The following CATSPERE variants were observed in gnomAD, a reference collection of about 807,000 sequenced individuals.
CATSPERE encodes the protein cation channel sperm-associated auxiliary subunit epsilon.
Under a neutral mutation model 114.1 loss-of-function variants are expected in CATSPERE, and 93 were observed. The observed-to-expected ratio is 0.81, with a 90% confidence interval of 0.69 to 0.97. The LOEUF (loss-of-function observed/expected upper bound fraction) is 0.97. Ranked by LOEUF, CATSPERE falls within the 50% of genes least tolerant of loss-of-function variation. CATSPERE has a pLI of 0.00. For synonymous variants in CATSPERE, 341 were observed against 384.1 expected (o/e 0.89, Z 1.31); for missense variants, 1,058 against 1,131.6 (o/e 0.93, Z 0.93).
chr1:244,581,297 A>G (rs2148610656), intron 11 of CATSPERE, among the ~76,000 whole-genome samples: 1 of 152,312 alleles, frequency 6.6e-6, no homozygotes, highest in African/African-American at 2.4e-5. Flanking sequence ...ATGTACTACA[A>G]GATATCCTTA....
intron 20 of CATSPERE, among the ~76,000 whole-genome samples, chr1:244,630,127 C>T (rs762441938): frequency 2.0e-5 from 3 of 152,132 alleles, no homozygotes; most frequent in Non-Finnish European, 4.4e-5. Context: ...CGGTATTCCC[C>T]AGGTGAAAGC....
intron 8 of CATSPERE, among the ~76,000 whole-genome samples, chr1:244,541,653 C>G (rs1246097634): frequency 7.0e-6 from 1 of 143,456 alleles, no homozygotes; most frequent in Admixed American, 7.0e-5. Flanking sequence ...CATCCCATTA[C>G]TGGGTATATA....
At chr1:244,488,358 A>C (rs539630734) in intron 5 of CATSPERE, among the ~76,000 whole-genome samples, 2 of 152,128 alleles carry the variant, frequency 1.3e-5, no homozygotes, top group African/African-American at 2.4e-5. Flanking sequence ...TTCTATTTCC[A>C]TAATGGTTTT....
chr1:244,455,489 A>G (rs1322130678), intron 1 of CATSPERE, among the ~76,000 whole-genome samples: 1 of 151,888 alleles, frequency 6.6e-6, no homozygotes, highest in East Asian at 1.9e-4. Context: ...AAAGTTGGGT[A>G]TAAAATTTTT....
rs1215151899 is a variant in CATSPERE, at chr1:244,568,656, C to T, written c.1508-3674C>T. On this transcript the variant is annotated intron_variant, in intron 10 of 21. Transcript: ENST00000366534. This position sits in a 1 kb window ranked among gnomAD's most constrained non-coding sequence, Gnocchi z 4.4. ...TATTTCCACTGTGAGGGGAAAACCG[C>T]CTACTCAAGCCTCAGTAATGGCAGA... is the stretch of plus-strand genomic sequence containing the variant. 1.3e-5 allele frequency among the ~76,000 whole-genome samples: 2 copies of T among 152,198 alleles called. No homozygotes were observed. The highest frequency in any genetic ancestry group is 2.9e-5 in the Non-Finnish European group (2 of 68,042).
chr1:244,623,183 T>C lies in CATSPERE; in HGVS notation c.2648+5497T>C, dbSNP rs570490757. On this transcript the variant is annotated intron_variant, in intron 20 of 21. Coordinates refer to ENST00000366534, the MANE Select transcript of CATSPERE (RefSeq NM_001130957.2). ...ACCTCCACCTCCCGGGTTCAAGCGA[T>C]TCTCATGCCTCAGCCTCCCGAGTAG... 2.0e-5 allele frequency among the ~76,000 whole-genome samples: 3 copies of C among 152,188 alleles called. No homozygotes were observed. In the East Asian group the frequency reaches 5.8e-4, roughly 29 times the overall value.
rs141890465 is a variant in CATSPERE, at chr1:244,614,982, G to T, written c.2491-2547G>T. Reference sequence around the variant, plus strand: ...CTCCAAACAATTGTCCTTCAACCTGGCTGGGGCACTGGCACTCTGATGAAC... The same window carrying T: ...CTCCAAACAATTGTCCTTCAACCTGTCTGGGGCACTGGCACTCTGATGAAC... On this transcript the variant is annotated intron_variant, in intron 19 of 21. Coordinates refer to ENST00000366534, the MANE Select transcript of CATSPERE (RefSeq NM_001130957.2). 9.2e-5 allele frequency among the ~76,000 whole-genome samples: 14 copies of T among 151,864 alleles called. No homozygotes were observed. In the East Asian group the frequency reaches 1.4e-3, roughly 15 times the overall value.
chr1:244,553,270 T>C (rs1185849590), intron 9 of CATSPERE, among the ~76,000 whole-genome samples: 4 of 151,958 alleles, frequency 2.6e-5, no homozygotes, highest in Non-Finnish European at 5.9e-5. Context: ...ATGTTAAAAA[T>C]ATTGTTGCTG....
chr1:244,604,784 T>C (rs1417589581), intron 17 of CATSPERE, among the ~76,000 whole-genome samples: 1 of 152,224 alleles, frequency 6.6e-6, no homozygotes, highest in Admixed American at 6.5e-5. Context: ...AGAATTGAAC[T>C]TTTAGCTCTG....
intron 7 of CATSPERE, among the ~76,000 whole-genome samples, chr1:244,513,712 C>T (rs1288011011): frequency 2.0e-5 from 3 of 152,010 alleles, no homozygotes; most frequent in Non-Finnish European, 4.4e-5. Context: ...GTGGACAGAT[C>T]AGGACCATCC....
chr1:244,599,167 T>C (rs1390382067), intron 17 of CATSPERE, among the ~76,000 whole-genome samples: 1 of 152,180 alleles, frequency 6.6e-6, no homozygotes. Flanking sequence ...GGCTCAAATC[T>C]AACTGCAAGG....
Position 244,477,409 on chromosome 1 carries a change from T to C in CATSPERE, c.115-132T>C, listed in dbSNP as rs1043133618. The C allele has an allele frequency of 4.7e-6, 3 of 632,628 alleles. No homozygotes were observed. In the South Asian group the frequency reaches 6.4e-5, roughly 14 times the overall value. 39.2% of individuals were successfully genotyped at this position (632,628 alleles called of 1,614,324 possible). A position where few individuals can be genotyped will look rare whatever the true frequency, so the allele number is the denominator to read the frequency against. ...TTCTTTGTCACATTACTTTGTACAA[T>C]TTAAAGGGAATTGAATTTTAGTTAT... On this transcript the variant is annotated intron_variant, in intron 2 of 21. Coordinates refer to ENST00000366534, the MANE Select transcript of CATSPERE (RefSeq NM_001130957.2).
At chr1:244,468,025 G>A (rs1030532048) in intron 2 of CATSPERE, among the ~76,000 whole-genome samples, 3 of 149,940 alleles carry the variant, frequency 2.0e-5, no homozygotes, top group African/African-American at 7.3e-5. Flanking sequence ...CTCTAATAGA[G>A]TTTATTTGGG....
chr1:244,585,560 G>C (rs935443617), intron 13 of CATSPERE, among the ~76,000 whole-genome samples: 4 of 152,168 alleles, frequency 2.6e-5, no homozygotes, highest in African/African-American at 9.7e-5. Flanking sequence ...CAACCACAAG[G>C]TTCCTTCCTT....
rs142968258 is a variant in CATSPERE, at chr1:244,559,291, C to T, written c.1030-1377C>T. ...CAGCAACATAAGTTCTATACTTTAA[C>T]GTGAATCCACATTTAGCAAAATGAC... On this transcript the variant is annotated intron_variant, in intron 9 of 21. Transcript: ENST00000366534. Among the ~76,000 whole-genome samples, 250 of 152,282 alleles carry T rather than the reference C, an allele frequency of 1.6e-3. 1 individual carries two copies. The highest frequency in any genetic ancestry group is 5.4e-3 in the African/African-American group (223 of 41,552).
intron 9 of CATSPERE, among the ~76,000 whole-genome samples, chr1:244,553,616 C>CACACACACACACACACATATATACAT (rs1558484809): frequency 1.8e-4 from 23 of 130,218 alleles, no homozygotes; most frequent in African/African-American, 7.1e-4. Flanking sequence ...CACACACACA[C>CACACACACACACACACATATATACAT]ACACACACAC....
intron 7 of CATSPERE, among the ~76,000 whole-genome samples, chr1:244,513,607 C>T (rs1251941333): frequency 6.6e-6 from 1 of 152,136 alleles, no homozygotes; most frequent in Non-Finnish European, 1.5e-5. Context: ...CATCATGACT[C>T]CAGTGGTGCA....
intron 9 of CATSPERE, among the ~76,000 whole-genome samples, chr1:244,553,048 T>C (rs1264303142): frequency 6.6e-6 from 1 of 152,130 alleles, no homozygotes; most frequent in African/African-American, 2.4e-5. Context: ...AGTTCAGTCA[T>C]GAGAGCTTTG....
intron 18 of CATSPERE, among the ~76,000 whole-genome samples, chr1:244,609,902 C>A (rs1670485174): frequency 6.6e-6 from 1 of 152,082 alleles, no homozygotes; most frequent in Non-Finnish European, 1.5e-5. Flanking sequence ...TAAAAGTTAG[C>A]CAGGCATGCT....
Sources: gnomAD v4.1 joint callset for allele counts (sites outside exome capture counted in the v4.1 genomes callset) on GRCh38, gnomAD v4.1.1 for gene constraint, Gnocchi (gnomAD v3.1) non-coding constraint, MANE v1.5 for transcripts, NCBI Gene and HGNC (gene_info 2026-07-23, HGNC 2026-07-21) for gene names.